Variants in SLC25A21 observed in about 807,000 individuals in gnomAD.
SLC25A21 encodes the protein solute carrier family 25 member 21, also known as mitochondrial 2-oxodicarboxylate carrier.
SLC25A21 carries 47 observed loss-of-function variants against 43.8 expected under a neutral mutation model. The ratio of observed to expected loss-of-function variants is 1.07; its 90% CI spans 0.85 to 1.37. The LOEUF is 1.37. SLC25A21 is among the 40% of genes most tolerant of loss of function. SLC25A21 has a pLI of 0.00. For missense variants in SLC25A21, 352 were observed against 350.2 expected, an observed-to-expected ratio of 1.00 and a Z score of -0.04; for synonymous variants, 131 against 121.3, an observed-to-expected ratio of 1.08 and a Z score of -0.52.
At chr14:36,771,731 T>C (rs888271500) in intron 3 of SLC25A21, among the ~76,000 whole-genome samples, 1 of 147,038 alleles carries the variant, frequency 6.8e-6, no homozygotes, top group African/African-American at 2.6e-5. Flanking sequence ...TTGCCAACTT[T>C]TAATCTTGCC....
intron 1 of SLC25A21, among the ~76,000 whole-genome samples, chr14:36,937,684 G>T (rs1892457987): frequency 6.6e-6 from 1 of 152,156 alleles, no homozygotes; most frequent in South Asian, 2.1e-4. Flanking sequence ...TAATAGGGCT[G>T]CGAGGAGACG....
chr14:36,930,813 C>T (rs1892266669), intron 1 of SLC25A21, among the ~76,000 whole-genome samples: 1 of 152,106 alleles, frequency 6.6e-6, no homozygotes, highest in Non-Finnish European at 1.5e-5. Flanking sequence ...CATCCCCTGC[C>T]TCACTCCTCC....
chr14:37,051,155 T>A (rs1961695140), intron 1 of SLC25A21, among the ~76,000 whole-genome samples: 2 of 152,214 alleles, frequency 1.3e-5, no homozygotes, highest in South Asian at 4.1e-4. Context: ...TGTTCACTGT[T>A]TTATTCTCAC....
At chr14:37,001,328 T>A (rs886308452) in intron 1 of SLC25A21, among the ~76,000 whole-genome samples, 1 of 152,144 alleles carries the variant, frequency 6.6e-6, no homozygotes, top group Non-Finnish European at 1.5e-5. Context: ...TTTCATGGGA[T>A]CTGTAAGAAA....
chr14:36,914,312 C>T (rs1296226508), intron 1 of SLC25A21, among the ~76,000 whole-genome samples: 2 of 152,122 alleles, frequency 1.3e-5, no homozygotes, highest in Non-Finnish European at 2.9e-5. Context: ...GAAACATTTT[C>T]CAGTACTACC....
intron 1 of SLC25A21, among the ~76,000 whole-genome samples, chr14:36,967,856 G>A (rs569273729): frequency 6.6e-6 from 1 of 152,298 alleles, no homozygotes. Flanking sequence ...GTGTCTGTGT[G>A]TGTGCGTGTG....
chr14:36,682,181 T>C (rs1387443544), intron 9 of SLC25A21, among the ~76,000 whole-genome samples: 3 of 150,180 alleles, frequency 2.0e-5, no homozygotes, highest in Non-Finnish European at 4.4e-5. Flanking sequence ...TTTTTTTTTT[T>C]CTCTCTCTCT....
intron 3 of SLC25A21, among the ~76,000 whole-genome samples, chr14:36,812,684 C>A (rs944768988): frequency 2.0e-5 from 3 of 151,994 alleles, no homozygotes; most frequent in South Asian, 2.1e-4. Flanking sequence ...TGGAAAGATA[C>A]CCATAATACA....
intron 1 of SLC25A21, among the ~76,000 whole-genome samples, chr14:37,038,731 A>C (rs2138779379): frequency 6.6e-6 from 1 of 152,270 alleles, no homozygotes; most frequent in African/African-American, 2.4e-5. Flanking sequence ...ATATAGACTA[A>C]ATCTGCTTTA....
intron 1 of SLC25A21, among the ~76,000 whole-genome samples, chr14:36,995,531 T>A (rs1034798717): frequency 5.3e-5 from 8 of 152,218 alleles, no homozygotes; most frequent in African/African-American, 1.9e-4. Context: ...CTGCTTTTCA[T>A]CAATCTATTA....
At chr14:36,991,983 G>A (rs191447754) in intron 1 of SLC25A21, among the ~76,000 whole-genome samples, 93 of 152,312 alleles carry the variant, frequency 6.1e-4, no homozygotes, top group African/African-American at 2.1e-3. Context: ...TTCTACAGAC[G>A]TGTTACAGTA....
chr14:36,902,929 G>A (rs1479932047), intron 1 of SLC25A21, among the ~76,000 whole-genome samples: 1 of 152,144 alleles, frequency 6.6e-6, no homozygotes, highest in Non-Finnish European at 1.5e-5. Context: ...AGGCTACAGT[G>A]AGCCATGATT....
chr14:36,769,315 C>A (rs890313852), intron 3 of SLC25A21, among the ~76,000 whole-genome samples: 2 of 152,170 alleles, frequency 1.3e-5, no homozygotes, highest in Admixed American at 6.5e-5. Context: ...ATTGTCAGGG[C>A]AGGCATGTTC....
intron 1 of SLC25A21, among the ~76,000 whole-genome samples, chr14:37,109,397 GAAGGA>G (rs985392690): frequency 2.0e-5 from 3 of 151,770 alleles, no homozygotes; most frequent in East Asian, 3.9e-4. Context: ...AGGAGGGAAG[GAAGGA>G]AAGGAAAGGA....
intron 1 of SLC25A21, among the ~76,000 whole-genome samples, chr14:36,962,673 T>C (rs1346296188): frequency 6.6e-6 from 1 of 152,200 alleles, no homozygotes; most frequent in African/African-American, 2.4e-5. Context: ...CTGCATCAAA[T>C]TTAAATATGT....
chr14:36,979,157 C>T (rs982626144), intron 1 of SLC25A21, among the ~76,000 whole-genome samples: 4 of 152,116 alleles, frequency 2.6e-5, no homozygotes, highest in African/African-American at 9.7e-5. Context: ...TGTTCCTTGT[C>T]AAACTCAAGA....
intron 1 of SLC25A21, among the ~76,000 whole-genome samples, chr14:37,091,854 G>A (rs188790241): frequency 4.9e-4 from 75 of 152,260 alleles, no homozygotes; most frequent in African/African-American, 1.6e-3. Flanking sequence ...TCAGCCAGGC[G>A]CAGTGACTCA....
chr14:37,073,250 T>C (rs1962210741), intron 1 of SLC25A21, among the ~76,000 whole-genome samples: 1 of 152,240 alleles, frequency 6.6e-6, no homozygotes, highest in Admixed American at 6.5e-5. Flanking sequence ...TTAGAATAAC[T>C]CTTAGCTTTT....
intron 1 of SLC25A21, among the ~76,000 whole-genome samples, chr14:37,058,307 C>T (rs908861247): frequency 5.3e-5 from 8 of 152,166 alleles, no homozygotes; most frequent in Admixed American, 4.6e-4. Context: ...TAGGATGATC[C>T]TCACTCTTTT....
Sources: gnomAD v4.1 joint callset for allele counts (sites outside exome capture counted in the v4.1 genomes callset) on GRCh38, gnomAD v4.1.1 for gene constraint, MANE v1.5 for transcripts, NCBI Gene and HGNC (gene_info 2026-07-23, HGNC 2026-07-21) for gene names.